TP53BP1: variants seen among roughly 807,000 people sequenced by gnomAD.
The protein encoded by TP53BP1 is tumor protein p53 binding protein 1, also known as TP53-binding protein 1.
In TP53BP1, 61 loss-of-function variants were observed where a neutral mutation model predicts 200.8. The ratio of observed to expected loss-of-function variants is 0.30; its 90% CI spans 0.25 to 0.38. The LOEUF (loss-of-function observed/expected upper bound fraction) is 0.38. Ranked by LOEUF, TP53BP1 falls within the 10% of genes least tolerant of loss-of-function variation. TP53BP1 has a pLI of 1.00. For missense variants in TP53BP1, 2,144 were observed against 2,371.9 expected (o/e 0.90, Z 2.00); for synonymous variants, 822 against 844.3 (o/e 0.97, Z 0.46).
chr15:43,492,906 A>AG, intron 1 of TP53BP1, 131 bp downstream of exon 1: 3 of 708,130 alleles, frequency 4.2e-6, no homozygotes, highest in Non-Finnish European at 6.4e-6. Context: ...CCCCCTCCTT[A>AG]GGGCCCTCCA....
intron 4 of TP53BP1, among the ~76,000 whole-genome samples, chr15:43,481,500 T>A (rs900477968): frequency 6.7e-6 from 1 of 148,248 alleles, no homozygotes; most frequent in African/African-American, 2.5e-5. Flanking sequence ...CACTTTTTAT[T>A]TTTTACTTAT....
rs2142891337 is a variant in TP53BP1, at chr15:43,403,131, A to T, written c.*4252T>A. On this transcript the variant is annotated 3_prime_UTR_variant, in exon 28 of 28. Coordinates refer to ENST00000382044, the MANE Select transcript of TP53BP1 (RefSeq NM_001141980.3). Reference sequence around the variant, plus strand: ...CTGGGGATACAAAGAGGTATAATTCATGGCTCTGCCCTTAAGGAGCTCACA... The same window carrying T: ...CTGGGGATACAAAGAGGTATAATTCTTGGCTCTGCCCTTAAGGAGCTCACA... 6.6e-6 allele frequency: 1 copy of T among 152,324 alleles called. No homozygotes were observed. Among genetic ancestry groups the T allele is most frequent in the Middle Eastern group, 3.4e-3 (1 of 294 alleles). The allele number at this position is 152,324 out of a possible 1,614,324, so 9.4% of individuals were successfully genotyped here.
At chr15:43,461,764 G>A (rs2046439224) in intron 11 of TP53BP1, among the ~76,000 whole-genome samples, 1 of 151,476 alleles carries the variant, frequency 6.6e-6, no homozygotes, top group Non-Finnish European at 1.5e-5. Context: ...CACCTCCCAG[G>A]TTCAAGTGAT....
rs1263377758 is a variant in TP53BP1 at position 43,408,259 on chromosome 15, CTT to C, written c.5601-173_5601-172del. The C allele has an allele frequency of 4.5e-5, 30 of 669,020 alleles. No homozygotes were observed. In the East Asian group the frequency reaches 8.0e-4, roughly 18 times the overall value. 41.4% of individuals were successfully genotyped at this position (669,020 alleles called of 1,614,324 possible). On this transcript the variant is annotated intron_variant, in intron 26 of 27. Transcript: ENST00000382044. ...TTGGGAGGCTGTCGTGGTTGGATCT[CTT>C]GGGCCTGGGAGTTCGAGACCAGCCT... is the stretch of plus-strand genomic sequence containing the variant.
Position 43,407,612 on chromosome 15 carries a change from A to G in TP53BP1, c.5747-42T>C, listed in dbSNP as rs1040889469. ...AAAGTGAAGAAGGAAAGGACACTCA[A>G]CTTAGCCCTCCATTAGAAAGAGAGA... is the stretch of plus-strand genomic sequence containing the variant. On this transcript the variant is annotated intron_variant, in intron 27 of 27. Coordinates refer to ENST00000382044, the MANE Select transcript of TP53BP1 (RefSeq NM_001141980.3). The G allele has an allele frequency of 7.1e-6, 11 of 1,559,932 alleles. No individual in the cohort carries two copies. In the Middle Eastern group the frequency reaches 5.1e-4, roughly 72 times the overall value.
At chr15:43,424,891 A>G (rs1386582122) in intron 18 of TP53BP1, among the ~76,000 whole-genome samples, 3 of 152,240 alleles carry the variant, frequency 2.0e-5, no homozygotes, top group African/African-American at 7.2e-5. Flanking sequence ...TGATTGAGTC[A>G]TAAGGGCTCT....
chr15:43,409,278 G>A, intron 25 of TP53BP1, 182 bp from the exon 26 acceptor site: 1 of 620,124 alleles, frequency 1.6e-6, no homozygotes. Flanking sequence ...TTCCATAGAT[G>A]TTCTCTCTGC....
At chr15:43,421,317 C>G in intron 19 of TP53BP1, 143 bp from the exon 20 acceptor site, 1 of 772,596 alleles carries the variant, frequency 1.3e-6, no homozygotes. Flanking sequence ...ACACACCCAC[C>G]ACCAAAATCT....
chr15:43,409,616 C>T, intron 25 of TP53BP1, 31 bp downstream of exon 25: 1 of 1,252,424 alleles, frequency 8.0e-7, no homozygotes, highest in Non-Finnish European at 1.1e-6. Flanking sequence ...ATCATTGCCA[C>T]TATATTAGGT....
chr15:43,474,589 C>T (rs2046810354), intron 10 of TP53BP1, 84 bp downstream of exon 10: 1 of 882,712 alleles, frequency 1.1e-6, no homozygotes, highest in Admixed American at 2.4e-5. Context: ...TTCTAAAGTA[C>T]AAAGAAGTAG....
At chr15:43,509,553 C>T (rs1595641346) in intron 1 of TP53BP1, among the ~76,000 whole-genome samples, 1 of 152,084 alleles carries the variant, frequency 6.6e-6, no homozygotes, top group African/African-American at 2.4e-5. Context: ...GGATTATAGG[C>T]GCCCAACACC....
At chr15:43,414,881 T>C (rs756044603) in intron 23 of TP53BP1, among the ~76,000 whole-genome samples, 2 of 151,964 alleles carry the variant, frequency 1.3e-5, no homozygotes, top group Non-Finnish European at 2.9e-5. Flanking sequence ...ACTTTTTTTG[T>C]ATTTTTAGTA....
upstream of TP53BP1, among the ~76,000 whole-genome samples, chr15:43,493,810 A>C (rs971423607): frequency 6.6e-6 from 1 of 152,214 alleles, no homozygotes; most frequent in Non-Finnish European, 1.5e-5. Context: ...ACACTTGTTT[A>C]TCGTTGCCTT....
chr15:43,468,250 A>G (rs900498713), intron 11 of TP53BP1, among the ~76,000 whole-genome samples: 4 of 152,130 alleles, frequency 2.6e-5, no homozygotes, highest in African/African-American at 7.2e-5. Context: ...TTAGAAAAAT[A>G]AAAGCTAAAG....
At chr15:43,477,903 A>C in intron 7 of TP53BP1, 144 bp from the exon 8 acceptor site, 1 of 604,824 alleles carries the variant, frequency 1.7e-6, no homozygotes, top group Non-Finnish European at 2.7e-6. Context: ...TTAAAAAGGA[A>C]ATAAACTACT....
intron 15 of TP53BP1, 25 bp downstream of exon 15, chr15:43,441,501 C>G (rs1202251243): frequency 5.1e-6 from 8 of 1,566,498 alleles, no homozygotes; most frequent in Non-Finnish European, 4.4e-6. Context: ...GTATTAAACT[C>G]TAAATAGCAT....
Position 43,446,584 on chromosome 15 carries a change from C to T in TP53BP1, c.2843G>A (p.Ser948Asn), listed in dbSNP as rs1325641515. The T allele has an allele frequency of 3.1e-6, 5 of 1,611,886 alleles. No individual in the cohort carries two copies. The highest frequency in any genetic ancestry group is 4.2e-6 in the Non-Finnish European group (5 of 1,178,814). ...PKRHSTPIGISNYPESTIATS... is the reference protein window; with the variant it reads ...PKRHSTPIGINNYPESTIATS... ...TGCTATGGTGCTTTCTGGATAGTTGCTAATACCTGAAAGAAGTGAGGCAGG... is the reference window on the plus strand; with the variant it reads ...TGCTATGGTGCTTTCTGGATAGTTGTTAATACCTGAAAGAAGTGAGGCAGG... The change falls in exon 14 of 28, where the codon AGC (serine) becomes AAC (asparagine). Residue 948 changes from serine (S) to asparagine (N), a missense_variant. By Grantham distance (46) the Ser-to-Asn change is conservative. Around this residue, in one of 4 missense-constraint regions of TP53BP1, gnomAD observed 1,700 missense variants for 1,710.3 expected, o/e 0.99. Coordinates refer to ENST00000382044, the MANE Select transcript of TP53BP1 (RefSeq NM_001141980.3).
At chr15:43,503,478 C>T (rs1455961363) in intron 1 of TP53BP1, among the ~76,000 whole-genome samples, 1 of 152,084 alleles carries the variant, frequency 6.6e-6, no homozygotes, top group Non-Finnish European at 1.5e-5. Flanking sequence ...GCCAACGTGG[C>T]AAAACTCTGT....
At chr15:43,424,328 T>G (rs1170239511) in intron 18 of TP53BP1, among the ~76,000 whole-genome samples, 2 of 152,220 alleles carry the variant, frequency 1.3e-5, no homozygotes, top group African/African-American at 4.8e-5. Flanking sequence ...CCCTAGTTGT[T>G]ATCCACTAAC....
Sources: allele counts gnomAD v4.1 joint callset (sites outside exome capture counted in the v4.1 genomes callset), GRCh38; gene constraint gnomAD v4.1.1; regional missense constraint gnomAD v4.1.1; transcripts MANE v1.5; gene names NCBI Gene and HGNC (gene_info 2026-07-23, HGNC 2026-07-21).